Variants in AGFG2 observed in about 807,000 individuals in gnomAD.
AGFG2 encodes ArfGAP with FG repeats 2.
In AGFG2, 31 loss-of-function variants were observed where a neutral mutation model predicts 48.0. The ratio of observed to expected loss-of-function variants is 0.65; its 90% CI spans 0.49 to 0.87. The LOEUF is 0.87. AGFG2 is among the 40% of genes least tolerant of loss of function. The pLI is 0.00. For missense variants in AGFG2, 599 were observed against 632.6 expected, an observed-to-expected ratio of 0.95 and a Z score of 0.57; for synonymous variants, 229 against 260.8, an observed-to-expected ratio of 0.88 and a Z score of 1.18.
At chr7:100,556,061 T>G in intron 6 of AGFG2, 1 of 261,970 alleles carries the variant, frequency 3.8e-6, no homozygotes, top group Non-Finnish European at 7.8e-6. Flanking sequence ...TTCTCTAAGG[T>G]GCTCTTGTCT....
chr7:100,539,623 T>C, intron 1 of AGFG2, 56 bp downstream of exon 1: 1 of 81,778 alleles, frequency 1.2e-5, no homozygotes, highest in Non-Finnish European at 2.0e-5. Context: ...GGGGGCGGGG[T>C]GGGGAGGCCG....
At chr7:100,563,295 G>A (rs902910753) in intron 9 of AGFG2, among the ~76,000 whole-genome samples, 5 of 152,172 alleles carry the variant, frequency 3.3e-5, no homozygotes, top group Admixed American at 6.5e-5. Context: ...AAACACTCAC[G>A]CTGTTCCCTG....
At chr7:100,557,303 C>G (rs1800779810) in intron 6 of AGFG2, among the ~76,000 whole-genome samples, 1 of 151,950 alleles carries the variant, frequency 6.6e-6, no homozygotes, top group South Asian at 2.1e-4. Context: ...AACTATTAGA[C>G]ACAATCAGAA....
intron 1 of AGFG2, among the ~76,000 whole-genome samples, 198 bp downstream of exon 1, chr7:100,539,765 C>T (rs541581522): frequency 6.6e-6 from 1 of 151,980 alleles, no homozygotes; most frequent in Non-Finnish European, 1.5e-5. Flanking sequence ...GGAGAGGAAG[C>T]AAGGCCGGAG....
At position 100,559,220 on chromosome 7, in the gene AGFG2, T is replaced by C. The variant is rs537391868; in HGVS notation, c.878-3039T>C. 1.7e-3 allele frequency among the ~76,000 whole-genome samples: 264 copies of C among 152,292 alleles called. 2 individuals are homozygous for C. Among genetic ancestry groups the C allele is most frequent in the African/African-American group, 6.1e-3 (252 of 41,562 alleles). On this transcript the variant is annotated intron_variant, in intron 6 of 11. Coordinates refer to ENST00000300176, the MANE Select transcript of AGFG2 (RefSeq NM_006076.5). ...CATTGTTGGGTGCCTTCATGCATTA[T>C]GTCCATGAGGAAGGAAAGAGCTTCC...
intron 3 of AGFG2, among the ~76,000 whole-genome samples, chr7:100,551,311 C>T (rs919006708): frequency 2.0e-5 from 3 of 150,968 alleles, no homozygotes; most frequent in Non-Finnish European, 2.9e-5. Context: ...CCTCGTGATC[C>T]GCCCACCTTG....
At chr7:100,559,810 C>G (rs890675695) in intron 6 of AGFG2, among the ~76,000 whole-genome samples, 2 of 148,690 alleles carry the variant, frequency 1.3e-5, no homozygotes, top group African/African-American at 5.0e-5. Flanking sequence ...TGGAATGAGA[C>G]CCTGTCTCAA....
rs1800980397 is a variant in AGFG2, at chr7:100,565,194, A to C, written c.*203A>C. On this transcript the variant is annotated 3_prime_UTR_variant, in exon 12 of 12. Coordinates refer to ENST00000300176, the MANE Select transcript of AGFG2 (RefSeq NM_006076.5). Reference sequence around the variant, plus strand: ...CCCCTCCCTCGTCCCACCCCCACCCAGGCAGGAAGCCCAGGAGGAGTGCGG... The same window carrying C: ...CCCCTCCCTCGTCCCACCCCCACCCCGGCAGGAAGCCCAGGAGGAGTGCGG... The C allele has an allele frequency of 3.2e-6, 2 of 632,756 alleles. No homozygotes were observed. Among genetic ancestry groups the C allele is most frequent in the African/African-American group, 1.8e-5 (1 of 54,518 alleles). The allele number at this position is 632,756 out of a possible 1,614,324, so 39.2% of individuals were successfully genotyped here. A position where few individuals can be genotyped will look rare whatever the true frequency, so the allele number is the denominator to read the frequency against.
At chr7:100,556,140 G>C in intron 6 of AGFG2, 1 of 201,878 alleles carries the variant, frequency 5.0e-6, no homozygotes, top group Non-Finnish European at 1.0e-5. Context: ...ATCCCTCTAA[G>C]ACCAAAGGCC....
chr7:100,555,378 A>G (rs537433759), intron 5 of AGFG2, among the ~76,000 whole-genome samples: 1 of 148,358 alleles, frequency 6.7e-6, no homozygotes, highest in African/African-American at 2.5e-5. Context: ...GGTTTAAGCA[A>G]TTCTCATGCC....
intron 2 of AGFG2, 107 bp downstream of exon 2, chr7:100,549,022 T>G (rs1209296955): frequency 1.1e-6 from 1 of 879,046 alleles, no homozygotes; most frequent in African/African-American, 1.7e-5. Context: ...TGAGTTTCTC[T>G]TAATTTTTTC....
At chr7:100,561,006 A>T (rs1360245560) in intron 6 of AGFG2, among the ~76,000 whole-genome samples, 1 of 142,160 alleles carries the variant, frequency 7.0e-6, no homozygotes, top group African/African-American at 2.6e-5. Flanking sequence ...TTTTTAGTAG[A>T]GACGGGGTTT....
chr7:100,552,437 CAG>C (rs1416411276), intron 3 of AGFG2, among the ~76,000 whole-genome samples: 1 of 152,120 alleles, frequency 6.6e-6, no homozygotes, highest in Non-Finnish European at 1.5e-5. Context: ...ATGGAATTGT[CAG>C]GGGGATCCTG....
chr7:100,562,618 C>T lies in AGFG2; in HGVS notation c.1023C>T (p.Val341=), dbSNP rs772079935. 4 of 1,612,490 alleles carry T rather than the reference C, an allele frequency of 2.5e-6. No homozygotes were observed. Among genetic ancestry groups the T allele is most frequent in the African/African-American group, 2.7e-5 (2 of 75,014 alleles). Residue 341 remains valine (V), a synonymous_variant, in exon 8 of 12, where the codon GTC becomes GTT. Coordinates refer to ENST00000300176, the MANE Select transcript of AGFG2 (RefSeq NM_006076.5). This position sits in a 1 kb window ranked among gnomAD's most constrained non-coding sequence, Gnocchi z 5.4. ...GCCTCTTCGGGATGGCTGGCCAGGTCCCCCCGCTCCAGTCTGTCACGATGG... is the reference window on the plus strand; with the variant it reads ...GCCTCTTCGGGATGGCTGGCCAGGTTCCCCCGCTCCAGTCTGTCACGATGG... ...PSSLFGMAGQ[V]PPLQSVTMGG...
chr7:100,551,057 TATA>T (rs1800627452), intron 3 of AGFG2, among the ~76,000 whole-genome samples: 2 of 113,632 alleles, frequency 1.8e-5, no homozygotes, highest in African/African-American at 7.4e-5. Flanking sequence ...TATATATATA[TATA>T]TATATATTTC....
rs896819104 is a variant in AGFG2 at position 100,568,028 on chromosome 7, C to G, written c.*3037C>G. On this transcript the variant is annotated 3_prime_UTR_variant, in exon 12 of 12. Coordinates refer to ENST00000300176, the MANE Select transcript of AGFG2 (RefSeq NM_006076.5). ...CCCACCCCTGAGGCTTGCCCAGCCC[C>G]CAGGCCCTCAGATCCCTGCTCTTCC... 1 of 152,748 alleles carries G rather than the reference C, an allele frequency of 6.5e-6. No individual in the cohort carries two copies. The highest frequency in any genetic ancestry group is 1.5e-5 in the Non-Finnish European group (1 of 68,154). 9.5% of individuals were successfully genotyped at this position (152,748 alleles called of 1,614,324 possible).
chr7:100,549,213 G>C (rs1194115129), intron 2 of AGFG2, among the ~76,000 whole-genome samples: 2 of 152,194 alleles, frequency 1.3e-5, no homozygotes, highest in Non-Finnish European at 1.5e-5. Context: ...ATTCAGAGTT[G>C]ACTGGGCCAG....
At chr7:100,555,933 A>T (rs901065992) in intron 6 of AGFG2, 198 bp downstream of exon 6, 4 of 646,400 alleles carry the variant, frequency 6.2e-6, no homozygotes, top group African/African-American at 5.4e-5. Flanking sequence ...CTGCTTTTTC[A>T]TGAAAGGAAA....
At position 100,555,640 on chromosome 7, in the gene AGFG2, A is replaced by C; in HGVS notation, c.782A>C (p.Asn261Thr). ...ACACCTTCCCAAGGAGGCTTTGCCA[A>C]CTTTGATGCCTTTAGCAGTGGCCCC... The part of the protein sequence containing the change: ...GQTPSQGGFA[N>T]FDAFSSGPSS... Residue 261 changes from asparagine (N) to threonine (T), a missense_variant, in exon 6 of 12, where the codon AAC becomes ACC. Physicochemically the swap from Asn to Thr is moderately conservative, Grantham distance 65. Coordinates refer to ENST00000300176, the MANE Select transcript of AGFG2 (RefSeq NM_006076.5). 6.2e-7 allele frequency: 1 copy of C among 1,614,022 alleles called. No homozygotes were observed. Among genetic ancestry groups the C allele is most frequent in the Middle Eastern group, 1.6e-4 (1 of 6,062 alleles).
Sources: allele counts gnomAD v4.1 joint callset (sites outside exome capture counted in the v4.1 genomes callset), GRCh38; gene constraint gnomAD v4.1.1; non-coding constraint Gnocchi (gnomAD v3.1); transcripts MANE v1.5; gene names NCBI Gene and HGNC (gene_info 2026-07-23, HGNC 2026-07-21).